Variants in APOBEC3D observed in about 807,000 individuals in gnomAD.
The protein encoded by APOBEC3D is DNA dC->dU-editing enzyme APOBEC-3D.
Under a neutral mutation model 45.6 loss-of-function variants are expected in APOBEC3D, and 37 were observed. The observed-to-expected ratio is 0.81, with a 90% CI of 0.62 to 1.07. The LOEUF is 1.07. Ranked by LOEUF, APOBEC3D falls within the 50% of genes least tolerant of loss-of-function variation. The pLI, the probability that APOBEC3D is intolerant of heterozygous loss-of-function variation, is 0.00. For synonymous variants in APOBEC3D, 175 were observed against 180.7 expected, an observed-to-expected ratio of 0.97 and a Z score of 0.25; for missense variants, 496 against 495.3, an observed-to-expected ratio of 1.00 and a Z score of -0.01.
At chr22:39,023,204 C>T (rs1925299044) in intron 2 of APOBEC3D, among the ~76,000 whole-genome samples, 190 bp downstream of exon 2, 1 of 151,938 alleles carries the variant, frequency 6.6e-6, no homozygotes, top group Admixed American at 6.6e-5. Context: ...CAACCTCCAC[C>T]TCTTGGGTTC....
At position 39,025,289 on chromosome 22, in the gene APOBEC3D, C is replaced by T. The variant is rs749813878; in HGVS notation, c.430C>T (p.Arg144Trp). Reference sequence around the variant, plus strand: ...CTACTACTACCGGGATAGAGATTGGCGGTGGGTGCTCCTCAGGCTGCATAA... The same window carrying T: ...CTACTACTACCGGGATAGAGATTGGTGGTGGGTGCTCCTCAGGCTGCATAA... ...RLYYYRDRDW[R>W]WVLLRLHKAG... The change falls in exon 3 of 7, where the codon CGG (arginine) becomes TGG (tryptophan). Residue 144 changes from arginine to tryptophan, a missense_variant. Physicochemically the swap from Arg to Trp is moderately radical, Grantham distance 101. Coordinates refer to ENST00000216099, the MANE Select transcript of APOBEC3D (RefSeq NM_152426.4). The T allele has an allele frequency of 2.7e-5, 43 of 1,614,092 alleles. No individual in the cohort carries two copies. In the South Asian group the frequency reaches 3.5e-4, roughly 13 times the overall value.
At chr22:39,028,465 C>T (rs532522536) in intron 4 of APOBEC3D, among the ~76,000 whole-genome samples, 3 of 152,238 alleles carry the variant, frequency 2.0e-5, no homozygotes, top group East Asian at 3.9e-4. Flanking sequence ...CCCTGCAGGC[C>T]TCAGGCACAT....
At chr22:39,021,943 C>A (rs1290307620) in intron 1 of APOBEC3D, among the ~76,000 whole-genome samples, 2 of 152,204 alleles carry the variant, frequency 1.3e-5, no homozygotes, top group South Asian at 4.1e-4. Context: ...GTAAGATTTA[C>A]TTTGTTTAAA....
chr22:39,025,225 G>T lies in APOBEC3D; in HGVS notation c.366G>T (p.Glu122Asp), dbSNP rs781728361. 6.2e-7 allele frequency: 1 copy of T among 1,613,992 alleles called. No homozygotes were observed. Among genetic ancestry groups the T allele is most frequent in the Admixed American group, 1.7e-5 (1 of 60,024 alleles). The change falls in exon 3 of 7, where the codon GAG becomes GAT. Residue 122 changes from glutamate (E) to aspartate (D), a missense_variant. Physicochemically the swap from Glu to Asp is conservative, Grantham distance 45. Transcript: ENST00000216099. ...CVVKVTKFLA[E>D]HPNVTLTISA... ...TGAAGGTGACCAAATTCTTGGCTGAGCACCCCAATGTCACCCTGACCATCT... is the reference window on the plus strand; with the variant it reads ...TGAAGGTGACCAAATTCTTGGCTGATCACCCCAATGTCACCCTGACCATCT...
chr22:39,027,154 G>C (rs758734267), intron 4 of APOBEC3D, among the ~76,000 whole-genome samples: 1 of 152,148 alleles, frequency 6.6e-6, no homozygotes, highest in Non-Finnish European at 1.5e-5. Flanking sequence ...GCAAGACAGG[G>C]TGGCCGGGGA....
chr22:39,029,859 G>C (rs1214058156), intron 5 of APOBEC3D, among the ~76,000 whole-genome samples: 1 of 152,186 alleles, frequency 6.6e-6, no homozygotes, highest in Non-Finnish European at 1.5e-5. Context: ...GATCCGCCCC[G>C]CTTGGCCTCC....
Position 39,024,618 on chromosome 22 carries a change from C to T in APOBEC3D, c.211-452C>T, listed in dbSNP as rs115902328. Among the ~76,000 whole-genome samples the T allele has an allele frequency of 1.5e-3, 225 of 152,276 alleles. 1 individual carries two copies. The highest frequency in any genetic ancestry group is 5.2e-3 in the African/African-American group (215 of 41,550). ...AACTTTCCAGGGCCTGCGAGCTGCA[C>T]AGTCACATGGGGGTGAAGGTTGTTG... On this transcript the variant is annotated intron_variant, in intron 2 of 6. Transcript: ENST00000216099.
chr22:39,028,278 A>C (rs1352819252), intron 4 of APOBEC3D, among the ~76,000 whole-genome samples: 1 of 152,248 alleles, frequency 6.6e-6, no homozygotes. Context: ...TTTAAAGTTT[A>C]GTAAGAAGAC....
intron 2 of APOBEC3D, 27 bp from the exon 3 acceptor site, chr22:39,025,043 C>G (rs2146319556): frequency 6.7e-7 from 1 of 1,492,138 alleles, no homozygotes; most frequent in Admixed American, 2.0e-5. Context: ...CGTCCCAGAG[C>G]TTCCCCTGCC....
Position 39,025,365 on chromosome 22 carries a change from G to A in APOBEC3D, c.490+16G>A, listed in dbSNP as rs1925537841. ...GACTATGAAGGTGAGAGGTGCAGGG[G>A]TCAGGGGAGCATGACGGGGAGGAAC... On this transcript the variant is annotated intron_variant, in intron 3 of 6. Coordinates refer to ENST00000216099, the MANE Select transcript of APOBEC3D (RefSeq NM_152426.4). 1.9e-6 allele frequency: 3 copies of A among 1,613,276 alleles called. No individual in the cohort carries two copies. Among genetic ancestry groups the A allele is most frequent in the Non-Finnish European group, 1.7e-6 (2 of 1,179,378 alleles).
rs1177959879 is a variant in APOBEC3D, at chr22:39,031,970, A to C, written c.1039A>C (p.Lys347Gln). The change falls in exon 6 of 7, where the codon AAA becomes CAA. Residue 347 changes from lysine to glutamine, a missense_variant. Lys to Gln is a moderately conservative substitution (Grantham distance 53). Coordinates refer to ENST00000216099, the MANE Select transcript of APOBEC3D (RefSeq NM_152426.4). ...EGASVKIMGY[K>Q]DFVSCWKNFV... The stretch of plus-strand genomic sequence containing the variant: ...GGCCTCCGTGAAGATCATGGGCTAC[A>C]AAGGTGAGACGTGGGGGGCTGAGGA... 8.1e-6 allele frequency: 13 copies of C among 1,614,152 alleles called. No homozygotes were observed. The highest frequency in any genetic ancestry group is 1.0e-5 in the Non-Finnish European group (12 of 1,180,028).
intron 4 of APOBEC3D, among the ~76,000 whole-genome samples, chr22:39,027,716 GC>G (rs2146323400): frequency 6.6e-6 from 1 of 152,292 alleles, no homozygotes; most frequent in East Asian, 1.9e-4. Flanking sequence ...CTGGGCCTCA[GC>G]CCTGGCCTCC....
rs1259555536 is a variant in APOBEC3D at position 39,022,848 on chromosome 22, A to G, written c.44A>G (p.Asp15Gly). 11 of 1,610,512 alleles carry G rather than the reference A, an allele frequency of 6.8e-6. No homozygotes were observed. The highest frequency in any genetic ancestry group is 1.3e-5 in the African/African-American group (1 of 74,776). The change falls in exon 2 of 7, where the codon GAC becomes GGC. Residue 15 changes from aspartate to glycine, a missense_variant. By Grantham distance (94) the Asp-to-Gly change is moderately conservative. Transcript: ENST00000216099. ...AATCCGATGGAGCGGATGTATCGAG[A>G]CACATTCTACGACAACTTTGAAAAC... ...IRNPMERMYR[D>G]TFYDNFENEP...
chr22:39,031,550 A>G (rs1332773400), intron 5 of APOBEC3D, 144 bp from the exon 6 acceptor site: 20 of 1,282,318 alleles, frequency 1.6e-5, no homozygotes, highest in Non-Finnish European at 1.8e-5. Context: ...AGCTTGGGCA[A>G]CAGGAGAGAC....
chr22:39,032,132 G>T, intron 6 of APOBEC3D, 66 bp from the exon 7 acceptor site: 3 of 1,592,744 alleles, frequency 1.9e-6, no homozygotes, highest in Admixed American at 3.5e-5. Context: ...GCTTGGGAGG[G>T]GAGGGCCCAG....
rs111333866 is a variant in APOBEC3D, at chr22:39,025,743, G to A, written c.605+72G>A. 11 of 1,604,490 alleles carry A rather than the reference G, an allele frequency of 6.9e-6. No individual in the cohort carries two copies. In the African/African-American group the frequency reaches 9.4e-5, roughly 14 times the overall value. On this transcript the variant is annotated intron_variant, in intron 4 of 6. Coordinates refer to ENST00000216099, the MANE Select transcript of APOBEC3D (RefSeq NM_152426.4). The stretch of plus-strand genomic sequence containing the variant: ...GCTCATCCTCCTGAGGACTCCCCTG[G>A]CTGGGCCCTCCTGCCCTCCGTCCTG...
intron 5 of APOBEC3D, 122 bp downstream of exon 5, chr22:39,029,641 CT>C (rs11440048): frequency 0.083 from 77,037 of 931,920 alleles, 76 homozygotes; most frequent in Middle Eastern, 0.1. Context: ...ACATTTCTTT[CT>C]TTTTTTTTTT....
chr22:39,029,665 T>C, intron 5 of APOBEC3D, 146 bp downstream of exon 5: 1 of 1,068,814 alleles, frequency 9.4e-7, no homozygotes, highest in Admixed American at 3.0e-5. Context: ...TAAGACAGAG[T>C]CTCCCTCATG....
rs1475595242 is a variant in APOBEC3D at position 39,031,878 on chromosome 22, C to T, written c.947C>T (p.Thr316Ile). Reference protein sequence around the residue: ...RHSNVNLTIFTARLCYFWDTD... With the variant: ...RHSNVNLTIFIARLCYFWDTD... ...AGCAACGTGAATCTCACCATCTTCA[C>T]CGCCCGCCTCTGCTACTTCTGGGAT... Residue 316 changes from threonine (T) to isoleucine (I), a missense_variant, in exon 6 of 7, where the codon ACC becomes ATC. Physicochemically the swap from Thr to Ile is moderately conservative, Grantham distance 89. Transcript: ENST00000216099. 1 of 1,614,082 alleles carries T rather than the reference C, an allele frequency of 6.2e-7. No individual in the cohort carries two copies. Among genetic ancestry groups the T allele is most frequent in the Non-Finnish European group, 8.5e-7 (1 of 1,180,044 alleles).
Sources: gnomAD v4.1 joint callset for allele counts (sites outside exome capture counted in the v4.1 genomes callset) on GRCh38, gnomAD v4.1.1 for gene constraint, MANE v1.5 for transcripts, NCBI Gene and HGNC (gene_info 2026-07-23, HGNC 2026-07-21) for gene names.